The following MGAT4C variants were observed in gnomAD, a reference collection of about 807,000 sequenced individuals.
MGAT4C encodes MGAT4 family member C.
Under a neutral mutation model 40.1 loss-of-function variants are expected in MGAT4C, and 19 were observed. The observed-to-expected ratio is 0.47, with a 90% CI of 0.33 to 0.70. The LOEUF (loss-of-function observed/expected upper bound fraction) is 0.70. Ranked by LOEUF, MGAT4C falls within the 30% of genes least tolerant of loss-of-function variation. The pLI is 0.02. For missense variants in MGAT4C, 491 were observed against 563.2 expected (o/e 0.87, Z 1.30); for synonymous variants, 181 against 187.1 (o/e 0.97, Z 0.27).
intron 2 of MGAT4C, among the ~76,000 whole-genome samples, chr12:86,475,171 A>G (rs909409019): frequency 6.6e-6 from 1 of 152,068 alleles, no homozygotes; most frequent in South Asian, 2.1e-4. Context: ...CAAACTCTTT[A>G]AAACTTAGGT....
At chr12:86,745,023 G>C (rs921814688) in intron 1 of MGAT4C, 1 of 151,582 alleles carries the variant, frequency 6.6e-6, no homozygotes, top group Non-Finnish European at 1.5e-5. Context: ...CCTGGACAGA[G>C]AAGAGAATGT....
chr12:85,997,627 T>C (rs1886776207), intron 2 of MGAT4C, among the ~76,000 whole-genome samples: 1 of 152,170 alleles, frequency 6.6e-6, no homozygotes, highest in Non-Finnish European at 1.5e-5. Context: ...ACAGGCCCCA[T>C]GCAAGTCCAA....
At chr12:86,512,355 C>T (rs11103974) in intron 2 of MGAT4C, among the ~76,000 whole-genome samples, 40,098 of 151,868 alleles carry the variant, frequency 0.26, 6,512 homozygotes, top group South Asian at 0.39. Flanking sequence ...TATGGCGGTG[C>T]CTTAAACATT....
At chr12:86,540,738 G>A (rs10745420) in intron 2 of MGAT4C, among the ~76,000 whole-genome samples, 113,051 of 150,682 alleles carry the variant, frequency 0.75, 43,759 homozygotes, top group Middle Eastern at 0.86. Context: ...TCCATCTCCA[G>A]AAAGAGAGAG....
chr12:86,416,831 G>C (rs999186688), intron 3 of MGAT4C, among the ~76,000 whole-genome samples: 6 of 152,034 alleles, frequency 3.9e-5, no homozygotes, highest in African/African-American at 1.4e-4. Flanking sequence ...AACTTCATTT[G>C]GCATTAGGGT....
intron 1 of MGAT4C, among the ~76,000 whole-genome samples, chr12:86,746,639 C>T (rs1482694481): frequency 1.3e-5 from 2 of 151,578 alleles, no homozygotes; most frequent in Non-Finnish European, 3.0e-5. Context: ...TAACAAACAA[C>T]AATAATCATT....
chr12:86,735,009 T>G (rs1950963409), intron 1 of MGAT4C, among the ~76,000 whole-genome samples: 1 of 151,986 alleles, frequency 6.6e-6, no homozygotes, highest in African/African-American at 2.4e-5. Context: ...GTAAACTTGC[T>G]GAAGAAACAT....
intron 1 of MGAT4C, among the ~76,000 whole-genome samples, chr12:86,162,127 A>G (rs923535642): frequency 6.6e-6 from 1 of 152,210 alleles, no homozygotes; most frequent in African/African-American, 2.4e-5. Flanking sequence ...CTTTTAACTG[A>G]GCAATCCTAT....
intron 1 of MGAT4C, among the ~76,000 whole-genome samples, chr12:86,738,554 C>A (rs1951019211): frequency 6.6e-6 from 1 of 151,130 alleles, no homozygotes; most frequent in Non-Finnish European, 1.5e-5. Flanking sequence ...TGAATCATGC[C>A]ATTCATTCAA....
intron 1 of MGAT4C, among the ~76,000 whole-genome samples, chr12:86,255,993 C>A (rs1667448478): frequency 6.6e-6 from 1 of 152,016 alleles, no homozygotes; most frequent in Non-Finnish European, 1.5e-5. Context: ...CAGTATTTTC[C>A]TTTTTCTAAA....
chr12:86,302,376 C>A (rs1953833608), intron 4 of MGAT4C, among the ~76,000 whole-genome samples: 1 of 145,518 alleles, frequency 6.9e-6, no homozygotes, highest in Non-Finnish European at 1.5e-5. Flanking sequence ...ACAGAATAGG[C>A]AGTTGCAGGG....
At chr12:86,682,069 C>T (rs7955925) in intron 2 of MGAT4C, among the ~76,000 whole-genome samples, 152,118 of 152,118 alleles carry the variant, frequency 1, 76,059 homozygotes, top group Non-Finnish European at 1. Context: ...ATTTTTGCAT[C>T]TTAATTTAAA....
intron 2 of MGAT4C, among the ~76,000 whole-genome samples, chr12:86,647,297 A>T (rs1397128214): frequency 1.3e-5 from 2 of 151,922 alleles, no homozygotes; most frequent in South Asian, 4.1e-4. Flanking sequence ...AATTACTTTG[A>T]TTATTGCATG....
At chr12:86,415,102 A>T (rs2136249381) in intron 3 of MGAT4C, among the ~76,000 whole-genome samples, 1 of 152,130 alleles carries the variant, frequency 6.6e-6, no homozygotes, top group African/African-American at 2.4e-5. Flanking sequence ...TAGGGGTAGA[A>T]AGGAATGAAT....
At chr12:86,457,261 G>A (rs1232784209) in intron 2 of MGAT4C, among the ~76,000 whole-genome samples, 1 of 151,832 alleles carries the variant, frequency 6.6e-6, no homozygotes, top group Non-Finnish European at 1.5e-5. Context: ...CTCCATTCAG[G>A]CATATTATTT....
chr12:86,809,599 T>C (rs1952431252), intron 1 of MGAT4C, among the ~76,000 whole-genome samples: 1 of 152,006 alleles, frequency 6.6e-6, no homozygotes, highest in Non-Finnish European at 1.5e-5. Context: ...AGTGATATTG[T>C]GGTTTTGATT....
chr12:86,341,926 G>A (rs1160178414), intron 3 of MGAT4C, among the ~76,000 whole-genome samples: 1 of 152,068 alleles, frequency 6.6e-6, no homozygotes, highest in Non-Finnish European at 1.5e-5. Flanking sequence ...TTAACCATTC[G>A]AGCCTTTGAG....
At chr12:86,529,535 G>T (rs190863301) in intron 2 of MGAT4C, among the ~76,000 whole-genome samples, 1 of 151,832 alleles carries the variant, frequency 6.6e-6, no homozygotes. Flanking sequence ...TGAACAAATC[G>T]TTTATCATCT....
At chr12:86,742,498 C>T (rs759697142) in intron 1 of MGAT4C, among the ~76,000 whole-genome samples, 2 of 151,450 alleles carry the variant, frequency 1.3e-5, no homozygotes, top group Non-Finnish European at 1.5e-5. Context: ...CCACCTTGCT[C>T]CATGAGTATG....
Sources: allele counts gnomAD v4.1 joint callset (sites outside exome capture counted in the v4.1 genomes callset), GRCh38; gene constraint gnomAD v4.1.1; transcripts MANE v1.5; gene names NCBI Gene and HGNC (gene_info 2026-07-23, HGNC 2026-07-21).